The following P2RY8 variants were observed in gnomAD, a reference collection of about 807,000 sequenced individuals.
P2RY8 encodes P2Y receptor family member 8.
P2RY8 carries 6 observed loss-of-function variants against 10.0 expected under a neutral mutation model. The ratio of observed to expected loss-of-function variants is 0.60; its 90% CI spans 0.33 to 1.19. P2RY8 has a LOEUF of 1.19. Ranked by LOEUF, P2RY8 falls within the 50% of genes most tolerant of loss-of-function variation. The pLI, the probability that P2RY8 is intolerant of heterozygous loss-of-function variation, is 0.04. For synonymous variants in P2RY8, 276 were observed against 252.5 expected, an observed-to-expected ratio of 1.09 and a Z score of -0.88; for missense variants, 456 against 542.0, an observed-to-expected ratio of 0.84 and a Z score of 1.58.
chrX:1,525,585 T>C (rs1431881753), intron 1 of P2RY8, among the ~76,000 whole-genome samples: 2 of 152,150 alleles, frequency 1.3e-5, no homozygotes, highest in Non-Finnish European at 2.9e-5. Flanking sequence ...TCCTTTCTTG[T>C]TTCATCCGTC....
intron 1 of P2RY8, among the ~76,000 whole-genome samples, chrX:1,513,368 G>A (rs760625956): frequency 6.6e-6 from 1 of 152,124 alleles, no homozygotes; most frequent in Admixed American, 6.6e-5. Flanking sequence ...GGTGAGATTT[G>A]GGTGGGGATA....
Position 1,527,250 on chromosome X carries a change from T to C in P2RY8, c.-25+9671A>G, listed in dbSNP as rs1486127882. Among the ~76,000 whole-genome samples, 6 of 152,142 alleles carry C rather than the reference T, an allele frequency of 3.9e-5. No homozygotes were observed. The South Asian group carries it at 6.2e-4, about 16-fold the overall frequency. On this transcript the variant is annotated intron_variant, in intron 1 of 1. Coordinates refer to ENST00000381297, the MANE Select transcript of P2RY8 (RefSeq NM_178129.5). ...CTATCCATCTGTTCATCCGTCCATC[T>C]ATTTATTCATTCATCTACTCATTCA...
At chrX:1,506,319 C>G (rs1167788452) in intron 1 of P2RY8, among the ~76,000 whole-genome samples, 1 of 152,106 alleles carries the variant, frequency 6.6e-6, no homozygotes, top group Admixed American at 6.6e-5. Flanking sequence ...AAACATGCTC[C>G]CCTGTGCCCT....
chrX:1,519,811 A>G (rs2092377639), intron 1 of P2RY8, among the ~76,000 whole-genome samples: 2 of 150,692 alleles, frequency 1.3e-5, no homozygotes, highest in African/African-American at 4.9e-5. Flanking sequence ...ATTTTCTCGG[A>G]TCCCCAATCA....
In P2RY8 at chrX:1,506,779, G is replaced by A. The variant is rs113634860; in HGVS notation, c.-25+30142C>T. On this transcript the variant is annotated intron_variant, in intron 1 of 1. Coordinates refer to ENST00000381297, the MANE Select transcript of P2RY8 (RefSeq NM_178129.5). ...TACAACCTCTGCCTCCCTGGTTGAA[G>A]TGATTCTTCTGCCTCAGCCTCCCGA... is the stretch of plus-strand genomic sequence containing the variant. Among the ~76,000 whole-genome samples the A allele has an allele frequency of 2.3e-3, 344 of 151,944 alleles. 1 individual carries two copies. Among genetic ancestry groups the A allele is most frequent in the Middle Eastern group, 3.4e-3 (1 of 292 alleles).
chrX:1,512,501 CAT>C (rs1472882304), intron 1 of P2RY8, among the ~76,000 whole-genome samples: 4 of 133,878 alleles, frequency 3.0e-5, no homozygotes, highest in African/African-American at 8.2e-5. Context: ...GGGCTGAGAT[CAT>C]GCCATTGCAC....
chrX:1,533,035 GA>G (rs1187962041), intron 1 of P2RY8, among the ~76,000 whole-genome samples: 1 of 129,756 alleles, frequency 7.7e-6, no homozygotes. Context: ...ACGAAAGAAA[GA>G]AAAAAGAAAA....
At chrX:1,536,358 A>T (rs1207112986) in intron 1 of P2RY8, among the ~76,000 whole-genome samples, 2 of 151,122 alleles carry the variant, frequency 1.3e-5, no homozygotes, top group East Asian at 2.0e-4. Flanking sequence ...ACCTCCAGGG[A>T]TCATGCCATT....
Position 1,523,115 on chromosome X carries a change from A to AAAT in P2RY8, c.-25+13803_-25+13805dup, listed in dbSNP as rs1556685622. On this transcript the variant is annotated intron_variant, in intron 1 of 1. Coordinates refer to ENST00000381297, the MANE Select transcript of P2RY8 (RefSeq NM_178129.5). ...TAAATAAATAAATAAATAAATAAAT[A>AAAT]AATAAAACAAAAATTGAAAAAAATA... 7.2e-4 allele frequency among the ~76,000 whole-genome samples: 108 copies of AAAT among 150,992 alleles called. 1 individual carries two copies. Among genetic ancestry groups the AAAT allele is most frequent in the African/African-American group, 2.4e-3 (97 of 41,024 alleles).
intron 1 of P2RY8, among the ~76,000 whole-genome samples, chrX:1,491,510 A>G (rs1402355326): frequency 6.6e-6 from 1 of 152,256 alleles, no homozygotes; most frequent in East Asian, 1.9e-4. Context: ...GAGTGAATAA[A>G]TGAAAGAGTG....
intron 1 of P2RY8, among the ~76,000 whole-genome samples, chrX:1,478,246 C>CGTGTGTGTGTGTGTGTGTGT (rs1389734508): frequency 1.2e-4 from 17 of 141,164 alleles, no homozygotes; most frequent in African/African-American, 2.8e-4. Flanking sequence ...TGCTGGCAGG[C>CGTGTGTGTGTGTGTGTGTGT]GTATGTGTGT....
intron 1 of P2RY8, 50 bp from the exon 2 acceptor site, chrX:1,466,632 G>C (rs1409137780): frequency 6.6e-7 from 1 of 1,512,558 alleles, no homozygotes; most frequent in Non-Finnish European, 8.8e-7. Context: ...CAGGTAAAGA[G>C]GCGGCTGCCG....
chrX:1,533,240 A>G (rs190651990), intron 1 of P2RY8, among the ~76,000 whole-genome samples: 1,945 of 150,528 alleles, frequency 0.013, 21 homozygotes, highest in Non-Finnish European at 0.019. Context: ...ATGGAAGTAA[A>G]AAGTGTAAAA....
chrX:1,512,102 G>A (rs1200667818), intron 1 of P2RY8, among the ~76,000 whole-genome samples: 1 of 152,104 alleles, frequency 6.6e-6, no homozygotes, highest in Non-Finnish European at 1.5e-5. Flanking sequence ...GGTCTCCTGT[G>A]TAAGAGTGTC....
rs1334255970 is a variant in P2RY8, at chrX:1,466,171, T to C, written c.388A>G (p.Ser130Gly). The change falls in exon 2 of 2, where the codon AGC (serine) becomes GGC (glycine). Residue 130 changes from serine to glycine, a missense_variant. Ser to Gly is a moderately conservative substitution (Grantham distance 56). Transcript: ENST00000381297. ...CGACGGCGGCGCCAGCGCTTGGAGC[T>C]GAGCGGGTACAGGACCCCCAGGAAG... Reference protein sequence around the residue: ...ERFLGVLYPLSSKRWRRRRYA... With the variant: ...ERFLGVLYPLGSKRWRRRRYA... 6.2e-7 allele frequency: 1 copy of C among 1,612,338 alleles called. No individual in the cohort carries two copies. The highest frequency in any genetic ancestry group is 8.5e-7 in the Non-Finnish European group (1 of 1,179,400).
At chrX:1,509,156 ATCCAT>A (rs1480267674) in intron 1 of P2RY8, among the ~76,000 whole-genome samples, 18 of 122,002 alleles carry the variant, frequency 1.5e-4, no homozygotes, top group South Asian at 3.0e-4. Flanking sequence ...CTATGTATCC[ATCCAT>A]TCTATCTATC....
intron 1 of P2RY8, among the ~76,000 whole-genome samples, chrX:1,493,486 A>G (rs1245696240): frequency 1.2e-4 from 18 of 150,506 alleles, no homozygotes; most frequent in African/African-American, 4.4e-4. Context: ...GAAGGAAGGA[A>G]AGATCGCAGA....
At chrX:1,521,806 C>G (rs150337757) in intron 1 of P2RY8, among the ~76,000 whole-genome samples, 1 of 151,934 alleles carries the variant, frequency 6.6e-6, no homozygotes. Context: ...TTCCGGTGAG[C>G]GTGACGGACA....
chrX:1,480,680 G>C (rs1486615585), intron 1 of P2RY8, among the ~76,000 whole-genome samples: 4 of 151,996 alleles, frequency 2.6e-5, no homozygotes, highest in African/African-American at 9.7e-5. Flanking sequence ...GGGGGGTGAG[G>C]GGATAGAGGA....
Sources: gnomAD v4.1 joint callset for allele counts (sites outside exome capture counted in the v4.1 genomes callset) on GRCh38, gnomAD v4.1.1 for gene constraint, MANE v1.5 for transcripts, NCBI Gene and HGNC (gene_info 2026-07-23, HGNC 2026-07-21) for gene names.